The following IGSF6 variants were observed in gnomAD, a reference collection of about 807,000 sequenced individuals.
IGSF6 encodes the protein immunoglobulin superfamily member 6, also known as down-regulated by activation (immunoglobulin superfamily).
Under a neutral mutation model 24.7 loss-of-function variants are expected in IGSF6, and 23 were observed. The ratio of observed to expected loss-of-function variants is 0.93; its 90% CI spans 0.67 to 1.32. IGSF6 has a LOEUF of 1.32. Among genes scored for constraint, IGSF6 ranks in the 40% most tolerant of loss-of-function variants. The probability of loss-of-function intolerance (pLI) is 0.00; values close to 1 mark genes in which losing one functional copy is unlikely to be tolerated. For missense variants in IGSF6, 295 were observed against 293.6 expected (o/e 1.00, Z -0.04); for synonymous variants, 110 against 113.7 (o/e 0.97, Z 0.21).
At chr16:21,645,541 A>G (rs776469130) in intron 2 of IGSF6, among the ~76,000 whole-genome samples, 3 of 152,240 alleles carry the variant, frequency 2.0e-5, no homozygotes, top group Non-Finnish European at 4.4e-5. Context: ...TGAAACTAAC[A>G]AATTAACCAC....
chr16:21,647,290 G>T lies in IGSF6; in HGVS notation c.270C>A (p.Phe90Leu). The T allele has an allele frequency of 6.2e-7, 1 of 1,614,162 alleles. No individual in the cohort carries two copies. ...TTTCTTTGAGGGCCTCCCTCACTGT[G>T]AACTTGTCTGCCTCACTTTTGCACC... The part of the protein sequence containing the change: ...LDGCKSEADK[F>L]TVREALKENQ... Residue 90 changes from phenylalanine (F) to leucine (L), a missense_variant, in exon 2 of 6, where the codon TTC becomes TTA. Coordinates refer to ENST00000268389, the MANE Select transcript of IGSF6 (RefSeq NM_005849.4).
intron 2 of IGSF6, among the ~76,000 whole-genome samples, chr16:21,646,057 C>T (rs957624441): frequency 6.6e-6 from 1 of 152,116 alleles, no homozygotes; most frequent in African/African-American, 2.4e-5. Context: ...CTCATCATAC[C>T]AGGGTCCTTC....
At chr16:21,652,002 A>G (rs988240394) in intron 1 of IGSF6, 3 of 152,122 alleles carry the variant, frequency 2.0e-5, no homozygotes, top group Non-Finnish European at 4.4e-5. Context: ...CTATAATCCA[A>G]ATTGTGTGGG....
rs1291319660 is a variant in IGSF6 at position 21,647,436 on chromosome 16, A to G, written c.124T>C (p.Tyr42His). Residue 42 changes from tyrosine (Y) to histidine (H), a missense_variant, in exon 2 of 6, where the codon TAC becomes CAC. Coordinates refer to ENST00000268389, the MANE Select transcript of IGSF6 (RefSeq NM_005849.4). ...VTQPWYLEVD[Y>H]THEAVTIKCT... ...TTTATGGTGACGGCCTCATGAGTGT[A>G]GTCCACTTCTAGGTACCACGGTTGT... 1.2e-6 allele frequency: 2 copies of G among 1,614,110 alleles called. No individual in the cohort carries two copies. Among genetic ancestry groups the G allele is most frequent in the Non-Finnish European group, 1.7e-6 (2 of 1,180,008 alleles).
At chr16:21,643,979 C>G (rs1966350492) in intron 3 of IGSF6, among the ~76,000 whole-genome samples, 1 of 152,162 alleles carries the variant, frequency 6.6e-6, no homozygotes, top group Admixed American at 6.5e-5. Flanking sequence ...ATCTCGCCCT[C>G]CACCTGCCCA....
At chr16:21,642,310 C>T (rs1966293427) in intron 5 of IGSF6, 1 of 152,176 alleles carries the variant, frequency 6.6e-6, no homozygotes. Flanking sequence ...GCTTTGGCAG[C>T]ACTTACACTA....
intron 2 of IGSF6, among the ~76,000 whole-genome samples, chr16:21,644,917 C>T (rs987564964): frequency 2.6e-5 from 4 of 152,302 alleles, no homozygotes; most frequent in South Asian, 4.1e-4. Context: ...GTGCTCACTG[C>T]GTGCTTGAAA....
At chr16:21,642,942 AC>A (rs1966313039) in intron 5 of IGSF6, 131 bp downstream of exon 5, 1 of 587,912 alleles carries the variant, frequency 1.7e-6, no homozygotes. Flanking sequence ...ATATAAAAAT[AC>A]ATTCTTGTGA....
chr16:21,649,539 G>A (rs566690567), intron 1 of IGSF6, among the ~76,000 whole-genome samples: 3 of 152,222 alleles, frequency 2.0e-5, no homozygotes, highest in East Asian at 3.9e-4. Flanking sequence ...CACCTTACAA[G>A]TACAGTGAAA....
chr16:21,648,982 T>C (rs1966497942), intron 1 of IGSF6, among the ~76,000 whole-genome samples: 1 of 152,078 alleles, frequency 6.6e-6, no homozygotes, highest in African/African-American at 2.4e-5. Context: ...CCATGTTTTT[T>C]TGTTTTTGTT....
chr16:21,647,600 T>G, intron 1 of IGSF6, 108 bp from the exon 2 acceptor site: 1 of 1,343,762 alleles, frequency 7.4e-7, no homozygotes, highest in Non-Finnish European at 1.0e-6. Context: ...TTTCTTACCT[T>G]AATCCCAATA....
chr16:21,641,040 T>G lies in IGSF6; in HGVS notation c.*494A>C, dbSNP rs182308969. 1.3e-5 allele frequency: 2 copies of G among 152,418 alleles called. No homozygotes were observed. The highest frequency in any genetic ancestry group is 2.9e-5 in the Non-Finnish European group (2 of 68,214). The allele number at this position is 152,418 out of a possible 1,614,324, so 9.4% of individuals were successfully genotyped here. On this transcript the variant is annotated 3_prime_UTR_variant, in exon 6 of 6. Coordinates refer to ENST00000268389, the MANE Select transcript of IGSF6 (RefSeq NM_005849.4). ...CTTTGCATACCCTGGCAGGCAAATG[T>G]GCGTTACCCCACTGCCCCATTACAA...
chr16:21,644,464 G>A, intron 2 of IGSF6, 68 bp from the exon 3 acceptor site: 2 of 1,131,204 alleles, frequency 1.8e-6, no homozygotes, highest in African/African-American at 1.5e-5. Context: ...CATGTGTAAA[G>A]TATCCTTCAC....
chr16:21,647,628 A>G (rs1286017986), intron 1 of IGSF6, 136 bp from the exon 2 acceptor site: 6 of 1,146,222 alleles, frequency 5.2e-6, no homozygotes, highest in Middle Eastern at 6.0e-4. Flanking sequence ...GACTAAAAAT[A>G]AACACCAGTG....
chr16:21,650,170 C>T (rs1019759542), intron 1 of IGSF6, among the ~76,000 whole-genome samples: 16 of 151,728 alleles, frequency 1.1e-4, no homozygotes, highest in South Asian at 2.1e-4. Flanking sequence ...AGAGTCTGGA[C>T]GTGCACTCCA....
At position 21,647,452 on chromosome 16, in the gene IGSF6, C is replaced by T. The variant is rs1475130329; in HGVS notation, c.108G>A (p.Trp36Ter). 1.2e-6 allele frequency: 2 copies of T among 1,613,992 alleles called. No homozygotes were observed. Among genetic ancestry groups the T allele is most frequent in the Non-Finnish European group, 1.7e-6 (2 of 1,179,966 alleles). The change falls in exon 2 of 6, where the codon TGG becomes TGA. Residue 36 changes from tryptophan to a stop codon, truncating the protein, a stop_gained. Transcript: ENST00000268389. LOFTEE classifies it high-confidence loss of function. ...CATGAGTGTAGTCCACTTCTAGGTA[C>T]CACGGTTGTGTGACAGAGAGAGTAC... ...GACTLSVTQP[W>*]YLEVDYTHEA...
intron 2 of IGSF6, among the ~76,000 whole-genome samples, chr16:21,645,638 T>G (rs1319745397): frequency 6.6e-6 from 1 of 152,208 alleles, no homozygotes; most frequent in Non-Finnish European, 1.5e-5. Flanking sequence ...GCCTTAACAC[T>G]TTCAATTCTG....
rs543143297 is a variant in IGSF6, at chr16:21,644,322, C to T, written c.502G>A (p.Gly168Ser). The change falls in exon 3 of 6, where the codon GGT becomes AGT. Residue 168 changes from glycine to serine, a missense_variant. Physicochemically the swap from Gly to Ser is moderately conservative, Grantham distance 56. Transcript: ENST00000268389. ...AGGAGTATGAAGGCCACGCACACAC[C>T]GGTCACATAGACAGAGAGCAGTGAT... ...LVSLLSVYVT[G>S]VCVAFILLSK... 71 of 1,613,586 alleles carry T rather than the reference C, an allele frequency of 4.4e-5. No homozygotes were observed. The Admixed American group carries it at 7.2e-4, about 16-fold the overall frequency.
rs374585464 is a variant in IGSF6 at position 21,643,026 on chromosome 16, C to T, written c.666+48G>A. ...TCCTTGGCAGCTTAGTTTTTTCAAACGTGCTTTATATCTGTATTTACATTT... is the reference window on the plus strand; with the variant it reads ...TCCTTGGCAGCTTAGTTTTTTCAAATGTGCTTTATATCTGTATTTACATTT... On this transcript the variant is annotated intron_variant, in intron 5 of 5. Coordinates refer to ENST00000268389, the MANE Select transcript of IGSF6 (RefSeq NM_005849.4). 61 of 1,306,950 alleles carry T rather than the reference C, an allele frequency of 4.7e-5. 1 individual carries two copies. The highest frequency in any genetic ancestry group is 4.1e-4 in the Admixed American group (23 of 56,450). 81.0% of individuals were successfully genotyped at this position (1,306,950 alleles called of 1,614,324 possible).
Sources: allele counts gnomAD v4.1 joint callset (sites outside exome capture counted in the v4.1 genomes callset), GRCh38; gene constraint gnomAD v4.1.1; transcripts MANE v1.5; gene names NCBI Gene and HGNC (gene_info 2026-07-23, HGNC 2026-07-21).